Variants in PHF21A observed in about 807,000 individuals in gnomAD.
PHF21A encodes PHD finger protein 21A, also known as BHC80a.
PHF21A carries 11 observed loss-of-function variants against 82.5 expected under a neutral mutation model. The ratio of observed to expected loss-of-function variants is 0.13; its 90% confidence interval spans 0.08 to 0.22. The LOEUF (loss-of-function observed/expected upper bound fraction) is 0.22, where lower values mean the gene tolerates loss of function less well. Among genes scored for constraint, PHF21A ranks in the 10% least tolerant of loss-of-function variants. The pLI is 1.00. For missense variants in PHF21A, 579 were observed against 837.8 expected (o/e 0.69, Z 3.81); for synonymous variants, 297 against 302.8 (o/e 0.98, Z 0.20).
At chr11:45,996,166 A>AC (rs1028814390) in intron 6 of PHF21A, among the ~76,000 whole-genome samples, 11 of 151,748 alleles carry the variant, frequency 7.2e-5, no homozygotes, top group Admixed American at 5.9e-4. Flanking sequence ...CTGGTCAGAA[A>AC]CCCCCGGCTT....
intron 6 of PHF21A, among the ~76,000 whole-genome samples, chr11:46,031,796 C>A (rs947075663): frequency 6.6e-6 from 1 of 152,080 alleles, no homozygotes; most frequent in Non-Finnish European, 1.5e-5. Context: ...TAACACTATA[C>A]GCAAAAGCTG....
At chr11:46,004,727 T>C (rs1319103477) in intron 6 of PHF21A, among the ~76,000 whole-genome samples, 1 of 152,178 alleles carries the variant, frequency 6.6e-6, no homozygotes, top group Non-Finnish European at 1.5e-5. Flanking sequence ...CTGCCAGGCC[T>C]AGAATGCTTT....
At chr11:46,041,388 G>A (rs1260441654) in intron 6 of PHF21A, among the ~76,000 whole-genome samples, 1 of 152,176 alleles carries the variant, frequency 6.6e-6, no homozygotes, top group Non-Finnish European at 1.5e-5. Context: ...CTTCTTTCGA[G>A]CAATAACATT....
At chr11:45,989,272 C>T (rs755207356) in intron 6 of PHF21A, among the ~76,000 whole-genome samples, 5 of 152,082 alleles carry the variant, frequency 3.3e-5, no homozygotes, top group African/African-American at 4.8e-5. Context: ...ATCATTAGTA[C>T]TACAAATCTT....
chr11:45,995,924 T>C (rs528483705), intron 6 of PHF21A, among the ~76,000 whole-genome samples: 2 of 152,288 alleles, frequency 1.3e-5, no homozygotes, highest in Non-Finnish European at 2.9e-5. Context: ...TTTCAGTATA[T>C]GGCTTTTTTT....
rs185661041 is a variant in PHF21A, at chr11:46,029,772, G to A, written c.153+46982C>T. On this transcript the variant is annotated intron_variant, in intron 6 of 18. Coordinates refer to ENST00000676320, the MANE Select transcript of PHF21A (RefSeq NM_001352027.3). ...CATGTCATTTCCAATAGTGCACCTA[G>A]CTTAAAAATAACAAATGTCCGTTAG... is the stretch of plus-strand genomic sequence containing the variant. Among the ~76,000 whole-genome samples the A allele has an allele frequency of 9.2e-5, 14 of 151,946 alleles. No homozygotes were observed. In the East Asian group the frequency reaches 1.7e-3, roughly 19 times the overall value.
At chr11:46,077,629 G>A (rs920915762) in intron 5 of PHF21A, among the ~76,000 whole-genome samples, 15 of 152,086 alleles carry the variant, frequency 9.9e-5, no homozygotes, top group South Asian at 2.1e-4. Flanking sequence ...CATCTTCCTC[G>A]TCTATTAAAT....
At chr11:46,064,323 G>C (rs2139601474) in intron 6 of PHF21A, among the ~76,000 whole-genome samples, 1 of 152,296 alleles carries the variant, frequency 6.6e-6, no homozygotes, top group Admixed American at 6.5e-5. Context: ...CAGGAGAAAA[G>C]GTGACAACTG....
chr11:46,073,675 A>T (rs1467528172), intron 6 of PHF21A, among the ~76,000 whole-genome samples: 1 of 152,228 alleles, frequency 6.6e-6, no homozygotes, highest in African/African-American at 2.4e-5. Flanking sequence ...TGTAATGCAC[A>T]TAAAGTTGTG....
chr11:45,990,246 T>C (rs2094638643), intron 6 of PHF21A, among the ~76,000 whole-genome samples: 2 of 131,162 alleles, frequency 1.5e-5, no homozygotes, highest in African/African-American at 2.8e-5. Flanking sequence ...AGCATTTTCA[T>C]CTTCTTTTTT....
chr11:45,941,804 T>C (rs1040754031), intron 15 of PHF21A, among the ~76,000 whole-genome samples: 2 of 152,192 alleles, frequency 1.3e-5, no homozygotes, highest in African/African-American at 2.4e-5. Context: ...TGAGGACGTA[T>C]GTTTTTAGGA....
At chr11:45,989,067 A>C (rs2094588081) in intron 6 of PHF21A, among the ~76,000 whole-genome samples, 1 of 152,164 alleles carries the variant, frequency 6.6e-6, no homozygotes, top group Admixed American at 6.5e-5. Flanking sequence ...AACAACAGGG[A>C]GGGTGCAAGT....
intron 6 of PHF21A, among the ~76,000 whole-genome samples, chr11:46,055,466 AG>A (rs2096439216): frequency 6.6e-6 from 1 of 152,208 alleles, no homozygotes; most frequent in Non-Finnish European, 1.5e-5. Flanking sequence ...ATTCAGAATG[AG>A]GAGTGACAAT....
At chr11:46,037,110 T>C (rs913399968) in intron 6 of PHF21A, among the ~76,000 whole-genome samples, 18 of 152,256 alleles carry the variant, frequency 1.2e-4, no homozygotes, top group Non-Finnish European at 2.4e-4. Context: ...GTTTATTTTG[T>C]TGATCTCAAA....
At chr11:45,970,941 T>C (rs2093705973) in intron 8 of PHF21A, 175 bp downstream of exon 8, 1 of 729,832 alleles carries the variant, frequency 1.4e-6, no homozygotes, top group Non-Finnish European at 2.2e-6. Context: ...TCTGTAGTGA[T>C]TTGAGCAGAT....
At position 45,932,789 on chromosome 11, in the gene PHF21A, G is replaced by A. The variant is rs1444570842; in HGVS notation, c.*1179C>T. On this transcript the variant is annotated 3_prime_UTR_variant, in exon 19 of 19. Coordinates refer to ENST00000676320, the MANE Select transcript of PHF21A (RefSeq NM_001352027.3). The surrounding 1 kb of genome is among the most constrained non-coding windows in gnomAD (Gnocchi z 4.3). ...AAACAGTGCCCGAACGATGACACAA[G>A]GACTCACAAAGACTCACGGGACCTC... 6.6e-6 allele frequency: 1 copy of A among 152,400 alleles called. No individual in the cohort carries two copies. The highest frequency in any genetic ancestry group is 1.5e-5 in the Non-Finnish European group (1 of 67,994). The allele number at this position is 152,400 out of a possible 1,614,324, so 9.4% of individuals were successfully genotyped here.
At chr11:45,995,107 T>A (rs983250235) in intron 6 of PHF21A, among the ~76,000 whole-genome samples, 4 of 152,152 alleles carry the variant, frequency 2.6e-5, no homozygotes, top group Non-Finnish European at 5.9e-5. Flanking sequence ...ATTATTTCCA[T>A]CCCCTTTATA....
chr11:46,045,766 T>TA (rs2096247484), intron 6 of PHF21A, among the ~76,000 whole-genome samples: 1 of 152,116 alleles, frequency 6.6e-6, no homozygotes, highest in African/African-American at 2.4e-5. Flanking sequence ...ACTCTTGCCT[T>TA]CTGTGAGTTT....
At chr11:46,017,758 T>C (rs958696671) in intron 6 of PHF21A, among the ~76,000 whole-genome samples, 1 of 152,190 alleles carries the variant, frequency 6.6e-6, no homozygotes, top group Non-Finnish European at 1.5e-5. Flanking sequence ...TGTAGACTGA[T>C]AGGAAAAACT....
Sources: allele counts gnomAD v4.1 joint callset (sites outside exome capture counted in the v4.1 genomes callset), GRCh38; gene constraint gnomAD v4.1.1; non-coding constraint Gnocchi (gnomAD v3.1); transcripts MANE v1.5; gene names NCBI Gene and HGNC (gene_info 2026-07-23, HGNC 2026-07-21).